The following DCLK2 variants were observed in gnomAD, a reference collection of about 807,000 sequenced individuals.
DCLK2 encodes doublecortin like kinase 2.
Under a neutral mutation model 78.4 loss-of-function variants are expected in DCLK2, and 31 were observed. The ratio of observed to expected loss-of-function variants is 0.40; its 90% CI spans 0.30 to 0.53. The LOEUF is 0.53. DCLK2 is among the 20% of genes least tolerant of loss of function. DCLK2 has a pLI of 0.61. For synonymous variants in DCLK2, 407 were observed against 374.9 expected (o/e 1.09, Z -0.99); for missense variants, 872 against 973.7 (o/e 0.90, Z 1.39).
chr4:150,208,069 G>A (rs998969382), intron 5 of DCLK2, among the ~76,000 whole-genome samples: 3 of 152,194 alleles, frequency 2.0e-5, no homozygotes, highest in African/African-American at 7.2e-5. Context: ...GCAGGCTGGG[G>A]TGATCTGACA....
chr4:150,080,546 G>A (rs1729184149), intron 1 of DCLK2, among the ~76,000 whole-genome samples: 1 of 152,232 alleles, frequency 6.6e-6, no homozygotes, highest in East Asian at 1.9e-4. Context: ...CACATTCCAT[G>A]TAGTCATAGC....
At chr4:150,087,509 A>G (rs1729731092) in intron 1 of DCLK2, among the ~76,000 whole-genome samples, 1 of 152,258 alleles carries the variant, frequency 6.6e-6, no homozygotes, top group Non-Finnish European at 1.5e-5. Flanking sequence ...AAGAAAAGGC[A>G]CGCAAATTTA....
intron 2 of DCLK2, among the ~76,000 whole-genome samples, chr4:150,111,538 A>T (rs1481187600): frequency 6.6e-6 from 1 of 151,458 alleles, no homozygotes; most frequent in Non-Finnish European, 1.5e-5. Context: ...GGTCTTAGTC[A>T]CAATTTCTTT....
At chr4:150,165,140 G>A (rs141177532) in intron 2 of DCLK2, among the ~76,000 whole-genome samples, 162 of 152,284 alleles carry the variant, frequency 1.1e-3, no homozygotes, top group South Asian at 3.3e-3. Context: ...ATATACCTTC[G>A]GGAGAGGAAC....
At chr4:150,250,650 A>G (rs976188158) in intron 15 of DCLK2, among the ~76,000 whole-genome samples, 1 of 151,696 alleles carries the variant, frequency 6.6e-6, no homozygotes, top group South Asian at 2.1e-4. Flanking sequence ...CTGAGTCCTG[A>G]CAGCTAAGGA....
At chr4:150,222,196 C>G (rs72951530) in intron 7 of DCLK2, among the ~76,000 whole-genome samples, 3,260 of 152,132 alleles carry the variant, frequency 0.021, 111 homozygotes, top group African/African-American at 0.07. Context: ...TTCAAACAGT[C>G]CTCCTGTCTT....
intron 15 of DCLK2, chr4:150,253,331 C>T (rs903105712): frequency 3.7e-6 from 3 of 812,380 alleles, no homozygotes; most frequent in African/African-American, 3.5e-5. Context: ...ACAGACAGGA[C>T]CTTCCCATCT....
chr4:150,110,354 C>T (rs1172174629), intron 2 of DCLK2, among the ~76,000 whole-genome samples: 1 of 152,006 alleles, frequency 6.6e-6, no homozygotes, highest in Non-Finnish European at 1.5e-5. Context: ...ATGGTTATCA[C>T]AATATTAATT....
intron 3 of DCLK2, among the ~76,000 whole-genome samples, chr4:150,197,653 G>A (rs536459378): frequency 9.9e-5 from 15 of 152,278 alleles, no homozygotes; most frequent in African/African-American, 3.6e-4. Context: ...TACTTGGGAG[G>A]CTGAGGCAAG....
At chr4:150,179,861 T>C (rs1326036323) in intron 2 of DCLK2, among the ~76,000 whole-genome samples, 1 of 152,198 alleles carries the variant, frequency 6.6e-6, no homozygotes. Context: ...TTTGAAGATA[T>C]CAATTTCCAA....
chr4:150,249,315 TGCCCTCTCCTGG>T (rs1420461286), intron 14 of DCLK2, among the ~76,000 whole-genome samples: 3 of 152,144 alleles, frequency 2.0e-5, no homozygotes, highest in African/African-American at 7.2e-5. Flanking sequence ...GGGAGACCTG[TGCCCTCTCCTGG>T]GCCTACTCTA....
At position 150,248,286 on chromosome 4, in the gene DCLK2, CTTG is replaced by C; in HGVS notation, c.1876-16_1876-14del. The C allele has an allele frequency of 6.2e-7, 1 of 1,609,404 alleles. No individual in the cohort carries two copies. Among genetic ancestry groups the C allele is most frequent in the Non-Finnish European group, 8.5e-7 (1 of 1,175,876 alleles). On this transcript the variant is annotated splice_polypyrimidine_tract_variant and intron_variant, in intron 13 of 15. Transcript: ENST00000296550. ...TCCTTTCTCCTCCTCTGTGGTCTGA[CTTG>C]TTTGTTTATTTGTAGGAATTAATCA... is the stretch of plus-strand genomic sequence containing the variant.
intron 8 of DCLK2, among the ~76,000 whole-genome samples, chr4:150,225,763 A>G (rs1741555448): frequency 6.6e-6 from 1 of 152,232 alleles, no homozygotes; most frequent in Non-Finnish European, 1.5e-5. Flanking sequence ...GGTTAGAATT[A>G]CGTATATGGA....
intron 5 of DCLK2, among the ~76,000 whole-genome samples, chr4:150,207,692 C>A (rs937661936): frequency 2.6e-5 from 4 of 152,088 alleles, no homozygotes; most frequent in African/African-American, 9.7e-5. Context: ...AGGGTGGTGA[C>A]CAAGTAATTA....
intron 3 of DCLK2, among the ~76,000 whole-genome samples, chr4:150,197,027 C>T (rs1238891263): frequency 1.3e-5 from 2 of 151,798 alleles, no homozygotes; most frequent in African/African-American, 2.4e-5. Context: ...TGGTGGTGGG[C>T]GCCTGTAGTC....
chr4:150,079,105 G>A lies in DCLK2; in HGVS notation c.78G>A (p.Gly26=). 1 of 1,567,718 alleles carries A rather than the reference G, an allele frequency of 6.4e-7. No homozygotes were observed. Among genetic ancestry groups the A allele is most frequent in the African/African-American group, 1.4e-5 (1 of 73,400 alleles). The change falls in exon 1 of 16, where the codon GGG becomes GGA. Residue 26 remains glycine (G), a synonymous_variant. Coordinates refer to ENST00000296550, the MANE Select transcript of DCLK2 (RefSeq NM_001040260.4). ...DKRPRPGSRR[G]APSSSGGSSS... ...GGCCGCGGCCGGGGTCGCGGAGAGG[G>A]GCCCCCAGCTCCTCCGGGGGCAGCA...
At chr4:150,116,378 G>A (rs1226682328) in intron 2 of DCLK2, among the ~76,000 whole-genome samples, 5 of 152,168 alleles carry the variant, frequency 3.3e-5, no homozygotes, top group African/African-American at 9.7e-5. Flanking sequence ...TGCTGAGCCC[G>A]GCACTGCGCC....
At chr4:150,249,935 C>T (rs918839214) in intron 15 of DCLK2, among the ~76,000 whole-genome samples, 9 of 152,066 alleles carry the variant, frequency 5.9e-5, no homozygotes, top group African/African-American at 2.2e-4. Context: ...CTGGCTGGGC[C>T]CTCTGGGCAG....
chr4:150,168,270 C>T (rs1319235234), intron 2 of DCLK2, among the ~76,000 whole-genome samples: 1 of 151,786 alleles, frequency 6.6e-6, no homozygotes, highest in African/African-American at 2.4e-5. Flanking sequence ...GTAAGTAAAC[C>T]CGGCAGGCAG....
Sources: allele counts gnomAD v4.1 joint callset (sites outside exome capture counted in the v4.1 genomes callset), GRCh38; gene constraint gnomAD v4.1.1; transcripts MANE v1.5; gene names NCBI Gene and HGNC (gene_info 2026-07-23, HGNC 2026-07-21).